SMG9: variants seen among roughly 807,000 people sequenced by gnomAD.
SMG9 encodes nonsense-mediated mRNA decay factor SMG9.
SMG9 carries 55 observed loss-of-function variants against 64.0 expected under a neutral mutation model. The observed-to-expected ratio is 0.86, with a 90% CI of 0.69 to 1.08. The LOEUF is 1.08. Ranked by LOEUF, SMG9 falls within the 50% of genes least tolerant of loss-of-function variation. SMG9 has a pLI of 0.00. For missense variants in SMG9, 554 were observed against 681.3 expected (o/e 0.81, Z 2.08); for synonymous variants, 244 against 254.8 (o/e 0.96, Z 0.41).
intron 6 of SMG9, among the ~76,000 whole-genome samples, chr19:43,741,875 T>C (rs573523687): frequency 6.1e-4 from 93 of 152,144 alleles, no homozygotes; most frequent in Non-Finnish European, 1.1e-3. Flanking sequence ...ATTAAGGGCA[T>C]GGTCGCTCAT....
intron 7 of SMG9, chr19:43,739,775 G>C (rs1372117150): frequency 3.2e-6 from 1 of 309,422 alleles, no homozygotes; most frequent in Non-Finnish European, 6.2e-6. Flanking sequence ...TACAGATAAA[G>C]AGCTGTGGTT....
intron 2 of SMG9, 85 bp downstream of exon 2, chr19:43,750,507 C>T (rs1019905994): frequency 6.6e-5 from 96 of 1,461,280 alleles, no homozygotes; most frequent in Non-Finnish European, 8.3e-5. Context: ...AATATATCCC[C>T]GGCATCTGGA....
intron 2 of SMG9, 142 bp from the exon 3 acceptor site, chr19:43,748,194 C>A (rs890825139): frequency 2.7e-5 from 28 of 1,026,128 alleles, no homozygotes; most frequent in Non-Finnish European, 3.7e-5. Flanking sequence ...ACTATTATTA[C>A]CCCCACTTTA....
At chr19:43,745,906 CAGG>C (rs1470386536) in intron 5 of SMG9, among the ~76,000 whole-genome samples, 2 of 152,198 alleles carry the variant, frequency 1.3e-5, no homozygotes, top group South Asian at 4.1e-4. Context: ...AAGGCTGAGG[CAGG>C]AGAATTGCTT....
intron 6 of SMG9, 47 bp from the exon 7 acceptor site, chr19:43,740,265 C>G: frequency 7.6e-7 from 1 of 1,321,142 alleles, no homozygotes; most frequent in South Asian, 1.2e-5. Context: ...TGGTTCTCAG[C>G]CTTGGATGCA....
At chr19:43,740,658 T>C (rs1050674383) in intron 6 of SMG9, among the ~76,000 whole-genome samples, 1 of 152,176 alleles carries the variant, frequency 6.6e-6, no homozygotes, top group Non-Finnish European at 1.5e-5. Flanking sequence ...TGGTGCCTGA[T>C]ATATAATGAT....
chr19:43,748,592 T>C, intron 2 of SMG9: 3 of 510,874 alleles, frequency 5.9e-6, no homozygotes, highest in Non-Finnish European at 1.2e-5. Flanking sequence ...CTTGCTATCC[T>C]GATCACCTCT....
At position 43,749,801 on chromosome 19, in the gene SMG9, T is replaced by G. The variant is rs189783892; in HGVS notation, c.150+791A>C. ...CCTCCTGATTCCCAGCCCAGGGCGC[T>G]CTCTACAGCAGGCAGAGCGATGCTA... On this transcript the variant is annotated intron_variant, in intron 2 of 13. Transcript: ENST00000270066. 3.9e-5 allele frequency among the ~76,000 whole-genome samples: 6 copies of G among 152,280 alleles called. No homozygotes were observed. In the East Asian group the frequency reaches 7.7e-4, roughly 20 times the overall value.
intron 6 of SMG9, 55 bp from the exon 7 acceptor site, chr19:43,740,273 G>T: frequency 7.9e-7 from 1 of 1,261,162 alleles, no homozygotes; most frequent in South Asian, 1.2e-5. Context: ...AGCCTTGGAT[G>T]CATCCGAAGT....
chr19:43,747,492 T>C lies in SMG9; in HGVS notation c.538A>G (p.Ser180Gly). The part of the protein sequence containing the change: ...KLLPPERMKH[S>G]IKLVDDQMNW... ...ATCTGGTCATCCACCAACTTGATGC[T>C]GTGCTTCATGCGCTCTGGGGGCAGT... Residue 180 changes from serine to glycine, a missense_variant, in exon 5 of 14, where the codon AGC becomes GGC. By Grantham distance (56) the Ser-to-Gly change is moderately conservative. Transcript: ENST00000270066. The C allele has an allele frequency of 6.2e-7, 1 of 1,614,176 alleles. No homozygotes were observed. The highest frequency in any genetic ancestry group is 8.5e-7 in the Non-Finnish European group (1 of 1,180,036).
Position 43,747,351 on chromosome 19 carries a change from A to C in SMG9, c.588+91T>G, listed in dbSNP as rs144422427. 3.1e-5 allele frequency: 42 copies of C among 1,344,194 alleles called. No homozygotes were observed. The East Asian group carries it at 9.8e-4, about 31-fold the overall frequency. 83.3% of individuals were successfully genotyped at this position (1,344,194 alleles called of 1,614,324 possible). A position where few individuals can be genotyped will look rare whatever the true frequency, so the allele number is the denominator to read the frequency against. ...CTCTCACTGCTGTAAGTTGCCTCAAAACCCTCCAGTCTGGTGTTGCCTACA... is the reference window on the plus strand; with the variant it reads ...CTCTCACTGCTGTAAGTTGCCTCAACACCCTCCAGTCTGGTGTTGCCTACA... On this transcript the variant is annotated intron_variant, in intron 5 of 13. Transcript: ENST00000270066.
Position 43,728,355 on chromosome 19 carries a change from C to T in SMG9, c.*3241G>A, listed in dbSNP as rs1320723097. On this transcript the variant is annotated 3_prime_UTR_variant, in exon 14 of 14. Coordinates refer to ENST00000270066, the MANE Select transcript of SMG9 (RefSeq NM_019108.4). Reference sequence around the variant, plus strand: ...GCTCCTGCTCTGGGCATGTGAAGTACCTGCTCCCAGTTCACCTTCCGCCAT... The same window carrying T: ...GCTCCTGCTCTGGGCATGTGAAGTATCTGCTCCCAGTTCACCTTCCGCCAT... 6.5e-6 allele frequency: 1 copy of T among 154,090 alleles called. No homozygotes were observed. Among genetic ancestry groups the T allele is most frequent in the Non-Finnish European group, 1.4e-5 (1 of 69,298 alleles). 9.5% of individuals were successfully genotyped at this position (154,090 alleles called of 1,614,324 possible). A position where few individuals can be genotyped will look rare whatever the true frequency, so the allele number is the denominator to read the frequency against.
chr19:43,737,573 C>A, intron 9 of SMG9, 24 bp downstream of exon 9: 1 of 1,604,378 alleles, frequency 6.2e-7, no homozygotes. Flanking sequence ...CTCCTCCCCA[C>A]CCTCCAACCC....
At chr19:43,752,916 A>AAAAAAAAAAAAAAAAAAAAAAAG (rs1433797448) in intron 1 of SMG9, among the ~76,000 whole-genome samples, 8 of 148,758 alleles carry the variant, frequency 5.4e-5, no homozygotes, top group African/African-American at 2.0e-4. Context: ...AAAAAAAAAA[A>AAAAAAAAAAAAAAAAAAAAAAAG]GCAGAACCCT....
intron 13 of SMG9, chr19:43,732,296 CAT>C (rs1393576764): frequency 6.2e-6 from 1 of 160,848 alleles, no homozygotes; most frequent in Non-Finnish European, 1.4e-5. Context: ...GACCTGGACT[CAT>C]ATGCTGAGAG....
Position 43,737,873 on chromosome 19 carries a change from C to T in SMG9, c.910-191G>A. 6.1e-6 allele frequency: 4 copies of T among 657,802 alleles called. No homozygotes were observed. The South Asian group carries it at 7.6e-5, about 13-fold the overall frequency. The allele number at this position is 657,802 out of a possible 1,614,324, so 40.7% of individuals were successfully genotyped here. Reference sequence around the variant, plus strand: ...CTCAGGAAAGGTGGGAATTATCACCCCCATTTTACACAGGCAGATGCTGAG... The same window carrying T: ...CTCAGGAAAGGTGGGAATTATCACCTCCATTTTACACAGGCAGATGCTGAG... On this transcript the variant is annotated intron_variant, in intron 8 of 13. Coordinates refer to ENST00000270066, the MANE Select transcript of SMG9 (RefSeq NM_019108.4).
intron 6 of SMG9, among the ~76,000 whole-genome samples, chr19:43,741,319 A>T (rs1490464025): frequency 6.6e-6 from 1 of 152,124 alleles, no homozygotes; most frequent in Non-Finnish European, 1.5e-5. Context: ...GACGCAGAGG[A>T]AGGTTGCATC....
intron 12 of SMG9, 34 bp downstream of exon 12, chr19:43,733,290 T>G: frequency 6.2e-7 from 1 of 1,611,052 alleles, no homozygotes; most frequent in Non-Finnish European, 8.5e-7. Context: ...GGATAGGACT[T>G]GTCTCTCCAT....
At chr19:43,749,454 CA>C (rs1259697659) in intron 2 of SMG9, among the ~76,000 whole-genome samples, 1 of 152,122 alleles carries the variant, frequency 6.6e-6, no homozygotes, top group Non-Finnish European at 1.5e-5. Flanking sequence ...GGTGCTTGTT[CA>C]AGGATTAAAC....
Sources: gnomAD v4.1 joint callset for allele counts (sites outside exome capture counted in the v4.1 genomes callset) on GRCh38, gnomAD v4.1.1 for gene constraint, MANE v1.5 for transcripts, NCBI Gene and HGNC (gene_info 2026-07-23, HGNC 2026-07-21) for gene names.